The following FAM120C variants were observed in gnomAD, a reference collection of about 807,000 sequenced individuals.
FAM120C encodes the protein constitutive coactivator of PPAR-gamma-like protein 2.
FAM120C carries 14 observed loss-of-function variants against 71.2 expected under a neutral mutation model. The observed-to-expected ratio is 0.20, with a 90% CI of 0.13 to 0.31. FAM120C has a LOEUF of 0.31. FAM120C is among the 10% of genes least tolerant of loss of function. The pLI, the probability that FAM120C is intolerant of heterozygous loss-of-function variation, is 1.00. For synonymous variants in FAM120C, 354 were observed against 353.2 expected (o/e 1.00, Z -0.03); for missense variants, 500 against 879.0 (o/e 0.57, Z 5.45).
chrX:54,151,421 C>T (rs1437132797), intron 3 of FAM120C, 48 bp from the exon 4 acceptor site: 6 of 1,160,112 alleles, frequency 5.2e-6, no homozygotes, highest in Non-Finnish European at 6.9e-6. Flanking sequence ...AGATGGATCA[C>T]TAAGAAAAAG....
chrX:54,116,740 G>A lies in FAM120C; in HGVS notation c.2117C>T (p.Thr706Ile), dbSNP rs201685574. Residue 706 changes from threonine to isoleucine, a missense_variant, in exon 10 of 16, where the codon ACC becomes ATC. Thr to Ile is a moderately conservative substitution (Grantham distance 89). Coordinates refer to ENST00000375180, the MANE Select transcript of FAM120C (RefSeq NM_017848.6). ...WSAYKGKSPQTPELVSALTFR... is the reference protein window; with the variant it reads ...WSAYKGKSPQIPELVSALTFR... ...TGTCAGTGCAGACACCAGCTCAGGG[G>A]TTTGAGGTGACTTCCCTTTATAGGC... 8.3e-7 allele frequency: 1 copy of A among 1,211,482 alleles called. No homozygotes were observed. The highest frequency in any genetic ancestry group is 3.0e-5 in the East Asian group (1 of 33,838).
intron 1 of FAM120C, among the ~76,000 whole-genome samples, chrX:54,174,915 G>A (rs782051507): frequency 4.5e-5 from 5 of 111,400 alleles, no homozygotes; most frequent in African/African-American, 1.6e-4. Flanking sequence ...TGCAAATCCT[G>A]GTTTCTGCCA....
intron 1 of FAM120C, among the ~76,000 whole-genome samples, chrX:54,164,092 C>G (rs1181330811): frequency 4.5e-5 from 5 of 110,310 alleles, no homozygotes; most frequent in Non-Finnish European, 9.5e-5. Flanking sequence ...CCACCAGGTC[C>G]GGCTAATTTT....
Position 54,182,748 on chromosome X carries a change from A to C in FAM120C, c.451T>G (p.Ser151Ala). The C allele has an allele frequency of 8.3e-7, 1 of 1,209,940 alleles. No homozygotes were observed. The highest frequency in any genetic ancestry group is 1.1e-6 in the Non-Finnish European group (1 of 894,955). The change falls in exon 1 of 16, where the codon TCA becomes GCA. Residue 151 changes from serine (S) to alanine (A), a missense_variant. By Grantham distance (99) the Ser-to-Ala change is moderately conservative. Transcript: ENST00000375180. Reference protein sequence around the residue: ...GQWNAMLGYLSALCQACAYPG... With the variant: ...GQWNAMLGYLAALCQACAYPG... Reference sequence around the variant, plus strand: ...TAGGCACAAGCCTGGCACAGCGCTGACAAGTAGCCCAGCATGGCGTTCCAT... The same window carrying C: ...TAGGCACAAGCCTGGCACAGCGCTGCCAAGTAGCCCAGCATGGCGTTCCAT...
intron 9 of FAM120C, among the ~76,000 whole-genome samples, chrX:54,128,420 T>C (rs1440990890): frequency 1.8e-5 from 2 of 112,195 alleles, no homozygotes; most frequent in African/African-American, 6.5e-5. Flanking sequence ...TTTCATATAT[T>C]TGTCGGTCAC....
chrX:54,177,742 G>T (rs1295931967), intron 1 of FAM120C, among the ~76,000 whole-genome samples: 1 of 111,581 alleles, frequency 9.0e-6, no homozygotes. Flanking sequence ...CACAATAATG[G>T]ATGAGATTGC....
At chrX:54,156,470 G>C in intron 3 of FAM120C, among the ~76,000 whole-genome samples, 1 of 107,666 alleles carries the variant, frequency 9.3e-6, no homozygotes. Flanking sequence ...CTACAGGCAC[G>C]TGCCACCACA....
At chrX:54,096,575 C>T (rs1163409370) in intron 10 of FAM120C, among the ~76,000 whole-genome samples, 1 of 110,993 alleles carries the variant, frequency 9.0e-6, no homozygotes, top group Non-Finnish European at 1.9e-5. Context: ...TTTTTTCACT[C>T]GACATTATAC....
intron 15 of FAM120C, among the ~76,000 whole-genome samples, chrX:54,076,919 C>T (rs2066738778): frequency 9.0e-6 from 1 of 111,291 alleles, no homozygotes; most frequent in Non-Finnish European, 1.9e-5. Flanking sequence ...TGGCGAAACC[C>T]TGTCTCTACA....
intron 10 of FAM120C, among the ~76,000 whole-genome samples, chrX:54,103,118 T>C (rs1557124349): frequency 8.9e-6 from 1 of 111,995 alleles, no homozygotes; most frequent in African/African-American, 3.2e-5. Flanking sequence ...TTGGGGAGTA[T>C]TGCCATCTTA....
chrX:54,133,010 TA>T lies in FAM120C; in HGVS notation c.1891-148del, dbSNP rs2067075818. ...ACAGTTTCATACTAAAAAGAAGCTG[TA>T]ACAAGCTTAGCTGATTGCAGCCTAC... On this transcript the variant is annotated intron_variant, in intron 8 of 15. Coordinates refer to ENST00000375180, the MANE Select transcript of FAM120C (RefSeq NM_017848.6). 1.4e-5 allele frequency: 6 copies of T among 431,413 alleles called. No individual in the cohort carries two copies. In the East Asian group the frequency reaches 2.6e-4, roughly 19 times the overall value. The allele number at this position is 431,413 out of a possible 1,213,427, so 35.6% of individuals were successfully genotyped here. A position where few individuals can be genotyped will look rare whatever the true frequency, so the allele number is the denominator to read the frequency against.
At chrX:54,081,247 C>T in intron 14 of FAM120C, 75 bp downstream of exon 14, 1 of 1,024,668 alleles carries the variant, frequency 9.8e-7, no homozygotes, top group South Asian at 2.3e-5. Flanking sequence ...GGATTTAATA[C>T]CTAGGCATTT....
In FAM120C at chrX:54,110,478, G is replaced by C. The variant is rs150934996; in HGVS notation, c.2312+6067C>G. Among the ~76,000 whole-genome samples the C allele has an allele frequency of 1.1e-3, 127 of 111,047 alleles. No homozygotes were observed. In the East Asian group the frequency reaches 0.024, roughly 21 times the overall value. Reference sequence around the variant, plus strand: ...AAAAAGATGGAAAAATCAATGCCTAGTGATGAATAAATGGACAGTTATATG... The same window carrying C: ...AAAAAGATGGAAAAATCAATGCCTACTGATGAATAAATGGACAGTTATATG... On this transcript the variant is annotated intron_variant, in intron 10 of 15. Transcript: ENST00000375180.
At chrX:54,152,646 G>A (rs782128517) in intron 3 of FAM120C, among the ~76,000 whole-genome samples, 8 of 112,751 alleles carry the variant, frequency 7.1e-5, no homozygotes, top group African/African-American at 2.2e-4. Context: ...TTAATTACAA[G>A]CTTCCTCAAA....
In FAM120C at chrX:54,072,823, C is replaced by T; in HGVS notation, c.*210G>A. 4 of 400,655 alleles carry T rather than the reference C, an allele frequency of 1.0e-5. No homozygotes were observed. The highest frequency in any genetic ancestry group is 1.7e-5 in the Non-Finnish European group (4 of 237,379). The allele number at this position is 400,655 out of a possible 1,213,427, so 33.0% of individuals were successfully genotyped here. A position where few individuals can be genotyped will look rare whatever the true frequency, so the allele number is the denominator to read the frequency against. Reference sequence around the variant, plus strand: ...AGGACCTAGTCTTACTGCCATTCATCTTTGACCAGAACTTCTCCAGAAACA... The same window carrying T: ...AGGACCTAGTCTTACTGCCATTCATTTTTGACCAGAACTTCTCCAGAAACA... On this transcript the variant is annotated 3_prime_UTR_variant, in exon 16 of 16. Transcript: ENST00000375180.
At chrX:54,127,485 G>A (rs1390950412) in intron 9 of FAM120C, among the ~76,000 whole-genome samples, 3 of 105,943 alleles carry the variant, frequency 2.8e-5, no homozygotes, top group African/African-American at 1.0e-4. Context: ...CAGCTACTCG[G>A]GAGGCTGAGG....
intron 10 of FAM120C, among the ~76,000 whole-genome samples, chrX:54,101,844 T>A (rs1405750446): frequency 9.0e-6 from 1 of 111,586 alleles, no homozygotes; most frequent in African/African-American, 3.3e-5. Context: ...AACCATTTAA[T>A]CAATCTCTAA....
At chrX:54,117,358 A>AACTAAAC (rs2066974093) in intron 9 of FAM120C, among the ~76,000 whole-genome samples, 1 of 10,666 alleles carries the variant, frequency 9.4e-5, no homozygotes, top group African/African-American at 1.4e-4. Context: ...GTCTCTAAAA[A>AACTAAAC]TAAAATAAAA....
At chrX:54,179,521 T>C (rs2067336102) in intron 1 of FAM120C, among the ~76,000 whole-genome samples, 1 of 112,013 alleles carries the variant, frequency 8.9e-6, no homozygotes, top group Admixed American at 9.4e-5. Context: ...TATTAATCAA[T>C]ACTTTCAAGT....
Sources: allele counts gnomAD v4.1 joint callset (sites outside exome capture counted in the v4.1 genomes callset), GRCh38; gene constraint gnomAD v4.1.1; transcripts MANE v1.5; gene names NCBI Gene and HGNC (gene_info 2026-07-23, HGNC 2026-07-21).